The following GRIN2A variants were observed in gnomAD, a reference collection of about 807,000 sequenced individuals.
The protein encoded by GRIN2A is glutamate ionotropic receptor NMDA type subunit 2A, also known as glutamate receptor ionotropic, NMDA 2A.
In GRIN2A, 22 loss-of-function variants were observed where a neutral mutation model predicts 113.4. The ratio of observed to expected loss-of-function variants is 0.19; its 90% CI spans 0.14 to 0.28. The LOEUF (loss-of-function observed/expected upper bound fraction) is 0.28, where lower values mean the gene tolerates loss of function less well. Among genes scored for constraint, GRIN2A ranks in the 10% least tolerant of loss-of-function variants. The pLI is 1.00. For missense variants in GRIN2A, 1,502 were observed against 1,887.0 expected (o/e 0.80, Z 3.78); for synonymous variants, 827 against 738.4 (o/e 1.12, Z -1.94).
intron 4 of GRIN2A, among the ~76,000 whole-genome samples, chr16:9,884,207 G>C (rs1041303646): frequency 2.0e-5 from 3 of 152,160 alleles, no homozygotes; most frequent in African/African-American, 7.2e-5. Context: ...AAGCTAGCCT[G>C]TATGTGTATA....
At chr16:9,832,943 T>A (rs1161743435) in intron 8 of GRIN2A, among the ~76,000 whole-genome samples, 3 of 152,230 alleles carry the variant, frequency 2.0e-5, no homozygotes, top group African/African-American at 7.2e-5. Context: ...CATGACCTGT[T>A]GAGTATTTCC....
chr16:10,004,532 C>G (rs2046373474), intron 2 of GRIN2A, among the ~76,000 whole-genome samples: 1 of 152,100 alleles, frequency 6.6e-6, no homozygotes, highest in Non-Finnish European at 1.5e-5. Flanking sequence ...GGGCTAAAAT[C>G]AAGGTGTCAG....
In GRIN2A at chr16:9,895,127, C is replaced by T. The variant is rs140340229; in HGVS notation, c.1008-4027G>A. On this transcript the variant is annotated intron_variant, in intron 3 of 12. Coordinates refer to ENST00000330684, the MANE Select transcript of GRIN2A (RefSeq NM_001134407.3). ...TTTCAAGGTTGGGGAGAGGGACACACAAAATAACTATAACGAAGAACAATA... is the reference window on the plus strand; with the variant it reads ...TTTCAAGGTTGGGGAGAGGGACACATAAAATAACTATAACGAAGAACAATA... 3.0e-4 allele frequency among the ~76,000 whole-genome samples: 46 copies of T among 152,170 alleles called. No individual in the cohort carries two copies. The East Asian group carries it at 8.9e-3, about 29-fold the overall frequency.
At chr16:9,778,167 G>A (rs1446807147) in intron 11 of GRIN2A, among the ~76,000 whole-genome samples, 1 of 152,184 alleles carries the variant, frequency 6.6e-6, no homozygotes, top group African/African-American at 2.4e-5. Context: ...TAAAAGATTG[G>A]ACAACTCTAT....
At chr16:9,983,923 A>G (rs957778638) in intron 2 of GRIN2A, among the ~76,000 whole-genome samples, 1 of 152,232 alleles carries the variant, frequency 6.6e-6, no homozygotes, top group Non-Finnish European at 1.5e-5. Context: ...ATATTTACCC[A>G]GTAATGGGGT....
chr16:9,975,040 AG>A (rs1487481358), intron 2 of GRIN2A, among the ~76,000 whole-genome samples: 1 of 152,214 alleles, frequency 6.6e-6, no homozygotes, highest in Non-Finnish European at 1.5e-5. Context: ...TGGTTATAGA[AG>A]GAAATAGTTT....
intron 2 of GRIN2A, chr16:10,112,498 C>T (rs1287969915): frequency 2.3e-6 from 2 of 878,764 alleles, no homozygotes; most frequent in Non-Finnish European, 3.9e-6. Context: ...GGCACGTGGT[C>T]AAGGCCCTGG....
At chr16:10,030,706 T>A (rs1317250549) in intron 2 of GRIN2A, among the ~76,000 whole-genome samples, 1 of 152,222 alleles carries the variant, frequency 6.6e-6, no homozygotes, top group Non-Finnish European at 1.5e-5. Flanking sequence ...TTTACCTTCT[T>A]CTTTGCTGAA....
chr16:10,121,600 G>C (rs551281495), intron 2 of GRIN2A: 1 of 152,186 alleles, frequency 6.6e-6, no homozygotes, highest in South Asian at 2.1e-4. Context: ...TAATGCAAGA[G>C]ACCTCCAACA....
chr16:9,882,171 G>C (rs1036701544), intron 4 of GRIN2A, among the ~76,000 whole-genome samples: 4 of 152,158 alleles, frequency 2.6e-5, no homozygotes, highest in African/African-American at 7.2e-5. Flanking sequence ...GTAGTGATGG[G>C]AAAGAGATGG....
intron 2 of GRIN2A, among the ~76,000 whole-genome samples, chr16:9,990,804 C>T (rs574122153): frequency 2.0e-4 from 31 of 152,078 alleles, no homozygotes; most frequent in African/African-American, 5.5e-4. Context: ...CGGTGGCTCA[C>T]GCCTGTAATC....
intron 5 of GRIN2A, among the ~76,000 whole-genome samples, chr16:9,842,072 G>A (rs534786796): frequency 9.9e-5 from 15 of 152,232 alleles, no homozygotes; most frequent in South Asian, 4.2e-4. Context: ...CCAGCATGGC[G>A]AAACCCTGTC....
At chr16:9,949,401 A>T (rs1162357073) in intron 2 of GRIN2A, among the ~76,000 whole-genome samples, 2 of 150,814 alleles carry the variant, frequency 1.3e-5, no homozygotes, top group African/African-American at 4.9e-5. Context: ...TGGATGGTCA[A>T]ATAGGACAAA....
At position 10,129,737 on chromosome 16, in the gene GRIN2A, A is replaced by T. The variant is rs2049023839; in HGVS notation, c.414+50261T>A. Among the ~76,000 whole-genome samples the T allele has an allele frequency of 2.0e-5, 3 of 152,382 alleles. No homozygotes were observed. The South Asian group carries it at 6.2e-4, about 32-fold the overall frequency. On this transcript the variant is annotated intron_variant, in intron 2 of 12. Coordinates refer to ENST00000330684, the MANE Select transcript of GRIN2A (RefSeq NM_001134407.3). ...CAAGCAATTGATTTTAATTCTAGGT[A>T]AAATGGAAAGCTGGAGGAAGATTTT...
chr16:10,048,939 AG>A (rs1030809070), intron 2 of GRIN2A, among the ~76,000 whole-genome samples: 1 of 152,208 alleles, frequency 6.6e-6, no homozygotes, highest in African/African-American at 2.4e-5. Context: ...GAAGGAGCCG[AG>A]GGAGAGATCT....
chr16:9,979,527 G>A (rs1335567167), intron 2 of GRIN2A, among the ~76,000 whole-genome samples: 1 of 152,052 alleles, frequency 6.6e-6, no homozygotes, highest in Non-Finnish European at 1.5e-5. Context: ...TTTCTTGCTA[G>A]AGCAGGGTCT....
chr16:10,075,787 T>C (rs28540790), intron 2 of GRIN2A, among the ~76,000 whole-genome samples: 1 of 152,002 alleles, frequency 6.6e-6, no homozygotes, highest in Non-Finnish European at 1.5e-5. Context: ...ATTCATCTCG[T>C]CAATATCTAA....
rs757464009 is a variant in GRIN2A, at chr16:9,849,943, G to T, written c.1141C>A (p.His381Asn). ...ACGGCGTGCCTCAGGCTCAGCGTAT[G>T]GTTCTCCCACTTGCCCACCTGCAGC... is the stretch of plus-strand genomic sequence containing the variant. ...EWEKVGKWEN[H>N]TLSLRHAVWP... The change falls in exon 5 of 13, where the codon CAT becomes AAT. Residue 381 changes from histidine to asparagine, a missense_variant. Transcript: ENST00000330684. The T allele has an allele frequency of 6.2e-7, 1 of 1,613,928 alleles. No individual in the cohort carries two copies. Among genetic ancestry groups the T allele is most frequent in the Non-Finnish European group, 8.5e-7 (1 of 1,179,862 alleles).
At chr16:10,092,805 G>T (rs750230262) in intron 2 of GRIN2A, among the ~76,000 whole-genome samples, 3 of 151,036 alleles carry the variant, frequency 2.0e-5, no homozygotes, top group African/African-American at 7.3e-5. Flanking sequence ...GTACTCAGAG[G>T]CATTAAATCT....
Sources: gnomAD v4.1 joint callset for allele counts (sites outside exome capture counted in the v4.1 genomes callset) on GRCh38, gnomAD v4.1.1 for gene constraint, MANE v1.5 for transcripts, NCBI Gene and HGNC (gene_info 2026-07-23, HGNC 2026-07-21) for gene names.